IL27: variants seen among roughly 807,000 people sequenced by gnomAD.
IL27 encodes interleukin 27, also known as interleukin-27 subunit alpha.
IL27 carries 11 observed loss-of-function variants against 27.0 expected under a neutral mutation model. The observed-to-expected ratio is 0.41, with a 90% CI of 0.26 to 0.67. IL27 has a LOEUF of 0.67. Among genes scored for constraint, IL27 ranks in the 30% least tolerant of loss-of-function variants. IL27 has a pLI of 0.34. For missense variants in IL27, 299 were observed against 310.4 expected (o/e 0.96, Z 0.28); for synonymous variants, 134 against 140.6 (o/e 0.95, Z 0.33).
At chr16:28,500,599 A>G (rs1019449439) in intron 4 of IL27, among the ~76,000 whole-genome samples, 3 of 151,928 alleles carry the variant, frequency 2.0e-5, no homozygotes, top group African/African-American at 4.8e-5. Flanking sequence ...TTCTATTCTC[A>G]TTTCATTAAG....
chr16:28,499,550 C>A lies in IL27; in HGVS notation c.*101G>T. The stretch of plus-strand genomic sequence containing the variant: ...GCCTGGGGCAGGGGGCTGGAAGAGC[C>A]CTCCCTTGTCCAAGGCTGATGATGC... On this transcript the variant is annotated 3_prime_UTR_variant, in exon 5 of 5. Transcript: ENST00000356897. The A allele has an allele frequency of 1.1e-6, 1 of 893,278 alleles. No homozygotes were observed. Among genetic ancestry groups the A allele is most frequent in the Non-Finnish European group, 1.7e-6 (1 of 579,888 alleles). The allele number at this position is 893,278 out of a possible 1,614,324, so 55.3% of individuals were successfully genotyped here.
intron 1 of IL27, among the ~76,000 whole-genome samples, chr16:28,505,287 C>G (rs368368227): frequency 1.3e-4 from 20 of 151,992 alleles, no homozygotes; most frequent in African/African-American, 4.6e-4. Flanking sequence ...GTTTCCACCA[C>G]GGCAGGTGGA....
intron 4 of IL27, among the ~76,000 whole-genome samples, chr16:28,501,307 C>T (rs1385914418): frequency 6.6e-6 from 1 of 151,746 alleles, no homozygotes; most frequent in Non-Finnish European, 1.5e-5. Context: ...ACTCACAACA[C>T]TCACATTCAC....
At chr16:28,501,761 A>G (rs1486595255) in intron 4 of IL27, among the ~76,000 whole-genome samples, 1 of 151,218 alleles carries the variant, frequency 6.6e-6, no homozygotes, top group South Asian at 2.1e-4. Flanking sequence ...TCACAGTCAC[A>G]CTGTCACACT....
chr16:28,505,453 CAGCCTCCTGAGT>C (rs2046456068), intron 1 of IL27, among the ~76,000 whole-genome samples: 1 of 152,116 alleles, frequency 6.6e-6, no homozygotes, highest in Non-Finnish European at 1.5e-5. Flanking sequence ...TCTCCTGCCT[CAGCCTCCTGAGT>C]AGCCACCACG....
chr16:28,504,891 G>A (rs1483870716), intron 1 of IL27, among the ~76,000 whole-genome samples: 2 of 152,188 alleles, frequency 1.3e-5, no homozygotes, highest in Admixed American at 6.5e-5. Context: ...ACAGAGACTG[G>A]ATTTTGACCC....
chr16:28,501,203 A>G (rs181204), intron 4 of IL27, among the ~76,000 whole-genome samples: 44,166 of 150,974 alleles, frequency 0.29, 7,011 homozygotes, highest in Non-Finnish European at 0.33. Context: ...AAAAAAAAAA[A>G]TCGTTCACGT....
intron 1 of IL27, 148 bp downstream of exon 1, chr16:28,506,633 A>C: frequency 1.5e-5 from 11 of 724,318 alleles, no homozygotes; most frequent in East Asian, 3.0e-5. Context: ...CAGTCATGCC[A>C]GCCTCCCTTC....
At position 28,499,867 on chromosome 16, in the gene IL27, C is replaced by T; in HGVS notation, c.516G>A (p.Glu172=). The T allele has an allele frequency of 6.4e-7, 1 of 1,555,838 alleles. No homozygotes were observed. The highest frequency in any genetic ancestry group is 8.7e-7 in the Non-Finnish European group (1 of 1,149,426). Residue 172 remains glutamate, a synonymous_variant, in exon 5 of 5, where the codon GAG becomes GAA. Transcript: ENST00000356897. The part of the protein sequence containing the change: ...LPEEEEEEEE[E]EEEERKGLLP... ...GCAGCCCCTTCCTCTCCTCCTCCTC[C>T]TCCTCCTCTTCCTCCTCCTCCTCCT...
rs201926026 is a variant in IL27, at chr16:28,503,792, G to A, written c.206C>T (p.Ala69Val). Residue 69 changes from alanine (A) to valine (V), a missense_variant and splice_region_variant, in exon 3 of 5, where the codon GCG (alanine) becomes GTG (valine). Physicochemically the swap from Ala to Val is moderately conservative, Grantham distance 64. Transcript: ENST00000356897. ...GTTCACTCCTGGCAGGTGAGATTCC[G>A]CCTGGGGGGCAAGGTCTGTTAGTGG... is the stretch of plus-strand genomic sequence containing the variant. ...SEVRGQAHRFAESHLPGVNLY... is the reference protein window; with the variant it reads ...SEVRGQAHRFVESHLPGVNLY... 9.1e-5 allele frequency: 147 copies of A among 1,613,076 alleles called. No individual in the cohort carries two copies. The highest frequency in any genetic ancestry group is 3.3e-4 in the Middle Eastern group (2 of 6,054).
chr16:28,501,888 C>A lies in IL27; in HGVS notation c.462+88G>T, dbSNP rs1027975528. 13 of 1,453,744 alleles carry A rather than the reference C, an allele frequency of 8.9e-6. No individual in the cohort carries two copies. The East Asian group carries it at 1.1e-4, about 13-fold the overall frequency. The allele number at this position is 1,453,744 out of a possible 1,614,324, so 90.1% of individuals were successfully genotyped here. ...AGTCACACTCACACTCTCACACTCA[C>A]ACACACTCAGAGCATGGGATCACTG... On this transcript the variant is annotated intron_variant, in intron 4 of 4. Transcript: ENST00000356897.
In IL27 at chr16:28,499,728, G is replaced by A. The variant is rs373848919; in HGVS notation, c.655C>T (p.Arg219Trp). ...SLELVLSRAV[R>W]ELLLLSKAGH... ...GCCTTGGACAGCAGCAGCAACTCCCGCACGGCCCGAGATAAGACGAGCTCC... is the reference window on the plus strand; with the variant it reads ...GCCTTGGACAGCAGCAGCAACTCCCACACGGCCCGAGATAAGACGAGCTCC... The change falls in exon 5 of 5, where the codon CGG (arginine) becomes TGG (tryptophan). Residue 219 changes from arginine (R) to tryptophan (W), a missense_variant. Arg to Trp is a moderately radical substitution (Grantham distance 101). Coordinates refer to ENST00000356897, the MANE Select transcript of IL27 (RefSeq NM_145659.3). The A allele has an allele frequency of 1.2e-5, 20 of 1,613,390 alleles. No homozygotes were observed. The Middle Eastern group carries it at 4.9e-4, about 40-fold the overall frequency.
At chr16:28,506,642 T>C in intron 1 of IL27, 139 bp downstream of exon 1, 1 of 854,550 alleles carries the variant, frequency 1.2e-6, no homozygotes, top group Admixed American at 2.4e-5. Flanking sequence ...CAGCCTCCCT[T>C]CCCATGCAGC....
At chr16:28,500,289 T>G (rs1250255095) in intron 4 of IL27, among the ~76,000 whole-genome samples, 1 of 152,090 alleles carries the variant, frequency 6.6e-6, no homozygotes, top group African/African-American at 2.4e-5. Context: ...TCTCTCTCTC[T>G]CTTTCTTGGG....
intron 1 of IL27, among the ~76,000 whole-genome samples, chr16:28,505,390 G>A (rs1223533023): frequency 6.6e-6 from 1 of 152,016 alleles, no homozygotes; most frequent in Non-Finnish European, 1.5e-5. Context: ...AGGCTGCAGT[G>A]CAGTGGCGCG....
chr16:28,501,190 GA>G (rs111502585), intron 4 of IL27, among the ~76,000 whole-genome samples: 236 of 142,632 alleles, frequency 1.7e-3, no homozygotes, highest in Middle Eastern at 3.7e-3. Context: ...CTTAGTCTCA[GA>G]AAAAAAAAAA....
At chr16:28,501,557 C>T (rs894530005) in intron 4 of IL27, among the ~76,000 whole-genome samples, 10 of 114,720 alleles carry the variant, frequency 8.7e-5, no homozygotes, top group African/African-American at 2.5e-4. Flanking sequence ...CTCATACAGC[C>T]CCCCCACACA....
chr16:28,499,802 T>A lies in IL27; in HGVS notation c.581A>T (p.Gln194Leu). 6.2e-7 allele frequency: 1 copy of A among 1,606,022 alleles called. No individual in the cohort carries two copies. Among genetic ancestry groups the A allele is most frequent in the Non-Finnish European group, 8.5e-7 (1 of 1,176,496 alleles). Residue 194 changes from glutamine to leucine, a missense_variant, in exon 5 of 5, where the codon CAG (glutamine) becomes CTG (leucine). Transcript: ENST00000356897. ...ALGSALQGPA[Q>L]VSWPQLLSTY... ...GGAGAGGAGCTGGGGCCAGGACACCTGGGCCGGGCCCTGTAAGGCGCTGCC... is the reference window on the plus strand; with the variant it reads ...GGAGAGGAGCTGGGGCCAGGACACCAGGGCCGGGCCCTGTAAGGCGCTGCC...
intron 4 of IL27, among the ~76,000 whole-genome samples, chr16:28,501,339 C>T (rs1237191097): frequency 3.3e-5 from 5 of 151,752 alleles, no homozygotes; most frequent in Non-Finnish European, 7.4e-5. Flanking sequence ...CACACTCCCA[C>T]ACTCTTACAC....
Sources: gnomAD v4.1 joint callset for allele counts (sites outside exome capture counted in the v4.1 genomes callset) on GRCh38, gnomAD v4.1.1 for gene constraint, MANE v1.5 for transcripts, NCBI Gene and HGNC (gene_info 2026-07-23, HGNC 2026-07-21) for gene names.